The following COL4A2 variants were observed in gnomAD, a reference collection of about 807,000 sequenced individuals.
COL4A2 encodes the protein collagen alpha-2(IV) chain.
COL4A2 carries 99 observed loss-of-function variants against 200.2 expected under a neutral mutation model. That is an observed-to-expected ratio of 0.49 (90% CI 0.42 to 0.58). COL4A2 has a LOEUF of 0.58. Among genes scored for constraint, COL4A2 ranks in the 20% least tolerant of loss-of-function variants. The pLI, the probability that COL4A2 is intolerant of heterozygous loss-of-function variation, is 0.00. For missense variants in COL4A2, 1,950 were observed against 2,314.1 expected (o/e 0.84, Z 3.23); for synonymous variants, 897 against 900.6 (o/e 1.00, Z 0.07).
intron 3 of COL4A2, among the ~76,000 whole-genome samples, chr13:110,347,561 C>T (rs766425400): frequency 8.5e-5 from 13 of 152,366 alleles, no homozygotes; most frequent in Non-Finnish European, 1.9e-4. Context: ...GCCTGCCATC[C>T]CTCCACTGTC....
chr13:110,493,511 A>T (rs975624953), intron 39 of COL4A2, among the ~76,000 whole-genome samples: 2 of 152,158 alleles, frequency 1.3e-5, no homozygotes, highest in African/African-American at 4.8e-5. Context: ...TGCTGGGTTG[A>T]ATGGACTCAT....
chr13:110,373,350 A>G (rs957197795), intron 4 of COL4A2, among the ~76,000 whole-genome samples: 9 of 152,250 alleles, frequency 5.9e-5, no homozygotes, highest in African/African-American at 2.2e-4. Context: ...AGTAGCAAGT[A>G]CAAATCTTAA....
intron 21 of COL4A2, 135 bp from the exon 22 acceptor site, chr13:110,458,636 T>C (rs992860135): frequency 6.0e-6 from 6 of 998,716 alleles, no homozygotes; most frequent in Admixed American, 2.3e-5. Context: ...ATGGGGGTCA[T>C]AGTGCCCATC....
At chr13:110,425,086 C>A in intron 6 of COL4A2, 89 bp downstream of exon 6, 1 of 1,513,838 alleles carries the variant, frequency 6.6e-7, no homozygotes. Context: ...TTGAATGAGA[C>A]CTCCTTTTTT....
At chr13:110,351,137 C>T (rs919381733) in intron 3 of COL4A2, among the ~76,000 whole-genome samples, 1 of 152,184 alleles carries the variant, frequency 6.6e-6, no homozygotes, top group African/African-American at 2.4e-5. Context: ...CAACCTCCAC[C>T]TCCCGGGCTC....
intron 21 of COL4A2, among the ~76,000 whole-genome samples, chr13:110,458,551 A>G (rs1881871310): frequency 6.6e-6 from 1 of 152,204 alleles, no homozygotes; most frequent in Admixed American, 6.5e-5. Flanking sequence ...CATCAGAGTC[A>G]AATTCTGAAC....
intron 45 of COL4A2, among the ~76,000 whole-genome samples, chr13:110,505,520 G>A (rs1335343085): frequency 1.3e-5 from 2 of 152,148 alleles, no homozygotes; most frequent in Non-Finnish European, 2.9e-5. Context: ...TAGGAGACAA[G>A]CTAGGGATGG....
chr13:110,359,715 C>T (rs936194330), intron 4 of COL4A2, among the ~76,000 whole-genome samples: 9 of 152,204 alleles, frequency 5.9e-5, no homozygotes, highest in Non-Finnish European at 2.9e-5. Context: ...CCTGTGTCCC[C>T]TCCACAAAAT....
intron 4 of COL4A2, among the ~76,000 whole-genome samples, chr13:110,374,839 C>T (rs931117606): frequency 6.6e-6 from 1 of 152,208 alleles, no homozygotes; most frequent in Non-Finnish European, 1.5e-5. Context: ...TAGTTTTCCC[C>T]TCTTCAGAAG....
intron 3 of COL4A2, among the ~76,000 whole-genome samples, chr13:110,334,522 T>C (rs892821890): frequency 6.6e-6 from 1 of 152,214 alleles, no homozygotes; most frequent in Admixed American, 6.5e-5. Context: ...GGAAGCGGCT[T>C]CCCTTCCCAA....
intron 20 of COL4A2, chr13:110,457,135 T>G (rs1465189638): frequency 3.4e-6 from 1 of 293,466 alleles, no homozygotes; most frequent in Non-Finnish European, 7.1e-6. Context: ...ACCCCAGGCG[T>G]CGTGGGGCTG....
chr13:110,367,873 A>G (rs751324260), intron 4 of COL4A2, among the ~76,000 whole-genome samples: 77 of 126,016 alleles, frequency 6.1e-4, no homozygotes, highest in Middle Eastern at 0.01. Flanking sequence ...GGCAAGATCC[A>G]TAATCTTTAA....
intron 4 of COL4A2, among the ~76,000 whole-genome samples, chr13:110,423,428 G>A (rs1186070854): frequency 2.0e-5 from 3 of 152,078 alleles, no homozygotes; most frequent in East Asian, 1.9e-4. Flanking sequence ...CAACACACCC[G>A]GGGCCTGTGG....
At position 110,503,208 on chromosome 13, in the gene COL4A2, C is replaced by T; in HGVS notation, c.3965C>T (p.Pro1322Leu). 1 of 1,614,016 alleles carries T rather than the reference C, an allele frequency of 6.2e-7. No individual in the cohort carries two copies. The highest frequency in any genetic ancestry group is 8.5e-7 in the Non-Finnish European group (1 of 1,180,008). ...DTGNPGAPGT[P>L]GTKGWAGDSG... ...GGGAACCCAGGAGCTCCAGGAACCC[C>T]AGGGACCAAAGGATGGGCCGGGGAC... Residue 1322 changes from proline (P) to leucine (L), a missense_variant, in exon 42 of 48, where the codon CCA becomes CTA. This residue lies in a region of COL4A2 where 1,385 missense variants were observed against 1,720.5 expected (regional missense o/e 0.80). Transcript: ENST00000360467.
chr13:110,410,612 G>C (rs149889833), intron 4 of COL4A2, among the ~76,000 whole-genome samples: 31 of 152,062 alleles, frequency 2.0e-4, no homozygotes, highest in Non-Finnish European at 4.4e-4. Context: ...CGTCAAATTC[G>C]AAGCCACTTT....
intron 21 of COL4A2, chr13:110,458,400 G>T (rs1881865319): frequency 3.2e-6 from 1 of 312,328 alleles, no homozygotes; most frequent in Non-Finnish European, 6.2e-6. Context: ...GCTCCCTGGA[G>T]CCGGCTCCTC....
At chr13:110,400,084 T>TTTTTTTTTTTTTTTTTTTTTTTGAGACG (rs1566512683) in intron 4 of COL4A2, among the ~76,000 whole-genome samples, 1 of 152,232 alleles carries the variant, frequency 6.6e-6, no homozygotes, top group African/African-American at 2.4e-5. Flanking sequence ...AAAGTTTTTA[T>TTTTTTTTTTTTTTTTTTTTTTTGAGACG]GCTGACTGCT....
At chr13:110,457,794 T>G (rs1881832881) in intron 21 of COL4A2, 2 of 482,400 alleles carry the variant, frequency 4.1e-6, no homozygotes, top group Admixed American at 4.7e-5. Context: ...TCCAAGGCAT[T>G]GTAACAGAGG....
intron 4 of COL4A2, among the ~76,000 whole-genome samples, chr13:110,397,041 C>A (rs1356540954): frequency 6.6e-6 from 1 of 152,210 alleles, no homozygotes; most frequent in African/African-American, 2.4e-5. Context: ...TATTCACAGC[C>A]TGCTACCATC....
Sources: allele counts gnomAD v4.1 joint callset (sites outside exome capture counted in the v4.1 genomes callset), GRCh38; gene constraint gnomAD v4.1.1; regional missense constraint gnomAD v4.1.1; transcripts MANE v1.5; gene names NCBI Gene and HGNC (gene_info 2026-07-23, HGNC 2026-07-21).